The following SPATS2 variants were observed in gnomAD, a reference collection of about 807,000 sequenced individuals.
The protein encoded by SPATS2 is spermatogenesis associated serine rich 2, also known as spermatogenesis-associated serine-rich protein 2.
Under a neutral mutation model 63.7 loss-of-function variants are expected in SPATS2, and 38 were observed. That is an observed-to-expected ratio of 0.60 (90% CI 0.46 to 0.78). The LOEUF is 0.78. SPATS2 is among the 30% of genes least tolerant of loss of function. The pLI, the probability that SPATS2 is intolerant of heterozygous loss-of-function variation, is 0.00. For synonymous variants in SPATS2, 207 were observed against 232.9 expected, an observed-to-expected ratio of 0.89 and a Z score of 1.01; for missense variants, 588 against 666.2, an observed-to-expected ratio of 0.88 and a Z score of 1.29.
At chr12:49,413,902 A>G (rs576997095) in intron 2 of SPATS2, among the ~76,000 whole-genome samples, 31 of 152,282 alleles carry the variant, frequency 2.0e-4, no homozygotes, top group South Asian at 1.7e-3. Context: ...GAACACAGTC[A>G]TGGGTCCACA....
At chr12:49,488,914 T>G (rs940065257) in intron 4 of SPATS2, among the ~76,000 whole-genome samples, 48 of 152,166 alleles carry the variant, frequency 3.2e-4, no homozygotes, top group African/African-American at 1.1e-3. Context: ...TAGGTGTTCA[T>G]GGGGGCTTCA....
chr12:49,418,994 A>G (rs921700429), intron 2 of SPATS2, among the ~76,000 whole-genome samples: 3 of 152,126 alleles, frequency 2.0e-5, no homozygotes, highest in Admixed American at 1.3e-4. Flanking sequence ...TTAACATTCT[A>G]TACCTTTTCA....
chr12:49,382,100 G>T (rs1944232569), intron 2 of SPATS2, among the ~76,000 whole-genome samples: 1 of 152,208 alleles, frequency 6.6e-6, no homozygotes, highest in Non-Finnish European at 1.5e-5. Flanking sequence ...CTCTTGCGAT[G>T]CCTCTGTGCC....
At chr12:49,483,347 A>C (rs983889886) in intron 3 of SPATS2, among the ~76,000 whole-genome samples, 2 of 151,866 alleles carry the variant, frequency 1.3e-5, no homozygotes, top group Non-Finnish European at 2.9e-5. Flanking sequence ...TGGCTGATCT[A>C]TAGGAATTCT....
intron 2 of SPATS2, among the ~76,000 whole-genome samples, chr12:49,443,858 T>C (rs867713417): frequency 1.4e-4 from 21 of 152,336 alleles, no homozygotes; most frequent in South Asian, 1.0e-3. Context: ...CCTATTCTTA[T>C]GACAGTACCA....
At chr12:49,458,325 G>A (rs148137956) in intron 2 of SPATS2, among the ~76,000 whole-genome samples, 550 of 151,732 alleles carry the variant, frequency 3.6e-3, no homozygotes, top group Non-Finnish European at 6.4e-3. Flanking sequence ...AAAATTAGTC[G>A]GGTGTGGTGG....
At chr12:49,436,887 G>A (rs1449358040) in intron 2 of SPATS2, among the ~76,000 whole-genome samples, 3 of 137,962 alleles carry the variant, frequency 2.2e-5, no homozygotes, top group Non-Finnish European at 4.7e-5. Flanking sequence ...CCTCCCGGAC[G>A]GGGCGGCTGG....
intron 2 of SPATS2, among the ~76,000 whole-genome samples, chr12:49,453,512 T>G (rs1012228628): frequency 4.6e-5 from 7 of 152,160 alleles, no homozygotes; most frequent in African/African-American, 1.4e-4. Flanking sequence ...TTTTAAATTA[T>G]TATTTAAAAT....
chr12:49,369,318 C>A (rs576515983), intron 1 of SPATS2, among the ~76,000 whole-genome samples: 10 of 152,180 alleles, frequency 6.6e-5, no homozygotes, highest in African/African-American at 2.4e-4. Context: ...TGAGCCACCG[C>A]AGCCTAATGT....
chr12:49,513,719 CT>C (rs1463081774), intron 9 of SPATS2, among the ~76,000 whole-genome samples: 2 of 152,156 alleles, frequency 1.3e-5, no homozygotes, highest in Non-Finnish European at 2.9e-5. Flanking sequence ...TGTAAGTGGA[CT>C]TGGTGCAACC....
chr12:49,389,604 T>A, intron 2 of SPATS2: 1 of 1,108,108 alleles, frequency 9.0e-7, no homozygotes, highest in Non-Finnish European at 1.4e-6. Flanking sequence ...GAAACTCTGA[T>A]TGAGCAAACC....
chr12:49,445,502 T>TAC (rs1945494754), intron 2 of SPATS2, among the ~76,000 whole-genome samples: 1 of 151,928 alleles, frequency 6.6e-6, no homozygotes, highest in Non-Finnish European at 1.5e-5. Flanking sequence ...TATATATATA[T>TAC]ATTTATTTTC....
In SPATS2 at chr12:49,460,777, C is replaced by T. The variant is rs1945808397; in HGVS notation, c.-236C>T. The stretch of plus-strand genomic sequence containing the variant: ...TTGTGTTTTTCCCTCCAGAATCTCC[C>T]TGGAAAAGGAGACATGAATGTCTGC... On this transcript the variant is annotated 5_prime_UTR_variant, in exon 3 of 14. Coordinates refer to ENST00000552918, the MANE Select transcript of SPATS2 (RefSeq NM_023071.4). The T allele has an allele frequency of 3.6e-6, 2 of 552,656 alleles. No individual in the cohort carries two copies. Among genetic ancestry groups the T allele is most frequent in the South Asian group, 4.6e-5 (2 of 43,826 alleles). 34.2% of individuals were successfully genotyped at this position (552,656 alleles called of 1,614,324 possible).
intron 2 of SPATS2, chr12:49,406,670 T>C (rs1309066869): frequency 1.3e-5 from 2 of 152,094 alleles, no homozygotes; most frequent in Non-Finnish European, 2.9e-5. Flanking sequence ...TCCCCCTATT[T>C]TAAATTTGCT....
intron 2 of SPATS2, among the ~76,000 whole-genome samples, chr12:49,452,451 T>A (rs938513461): frequency 2.0e-5 from 3 of 152,194 alleles, no homozygotes; most frequent in Admixed American, 2.0e-4. Context: ...GGCCGATTTT[T>A]AATTTCTTAT....
chr12:49,457,729 G>T (rs149425531), intron 2 of SPATS2, among the ~76,000 whole-genome samples: 2 of 152,072 alleles, frequency 1.3e-5, no homozygotes, highest in South Asian at 4.1e-4. Flanking sequence ...CACCATGCCC[G>T]GCCTCATCCT....
intron 2 of SPATS2, among the ~76,000 whole-genome samples, chr12:49,426,077 T>G (rs1945070314): frequency 6.6e-6 from 1 of 152,206 alleles, no homozygotes; most frequent in South Asian, 2.1e-4. Flanking sequence ...CAGTGTTGCC[T>G]TTTAGCCTAC....
intron 6 of SPATS2, among the ~76,000 whole-genome samples, chr12:49,494,022 G>A (rs935999847): frequency 1.3e-5 from 2 of 152,136 alleles, no homozygotes; most frequent in African/African-American, 4.8e-5. Flanking sequence ...GCTGTTAATA[G>A]TGATACTGCA....
At position 49,526,186 on chromosome 12, in the gene SPATS2, G is replaced by T. The variant is rs780850749; in HGVS notation, c.1569G>T (p.Thr523=). Residue 523 remains threonine (T), a synonymous_variant, in exon 14 of 14, where the codon ACG becomes ACT. Transcript: ENST00000552918. ...TCAGCATGGAGCCCAGCCCTCCCAC[G>T]CCTTCATTCAAAAAGGGGCTCCCCC... ...TGVSMEPSPP[T]PSFKKGLPQR... 1.1e-5 allele frequency: 17 copies of T among 1,614,012 alleles called. 1 individual carries two copies. The highest frequency in any genetic ancestry group is 1.3e-5 in the African/African-American group (1 of 74,910).
Sources: allele counts gnomAD v4.1 joint callset (sites outside exome capture counted in the v4.1 genomes callset), GRCh38; gene constraint gnomAD v4.1.1; transcripts MANE v1.5; gene names NCBI Gene and HGNC (gene_info 2026-07-23, HGNC 2026-07-21).